The following CD96 variants were observed in gnomAD, a reference collection of about 807,000 sequenced individuals.
The protein encoded by CD96 is CD96 molecule.
A neutral mutation model predicts 71.3 loss-of-function variants in CD96; 70 were observed. That is an observed-to-expected ratio of 0.98 (90% confidence interval 0.81 to 1.20). CD96 has a LOEUF of 1.20. CD96 is among the 50% of genes most tolerant of loss of function. CD96 has a pLI of 0.00. For missense variants in CD96, 742 were observed against 677.5 expected (o/e 1.10, Z -1.06); for synonymous variants, 248 against 233.0 (o/e 1.06, Z -0.59).
chr3:111,628,027 C>T (rs1474699945), intron 10 of CD96, among the ~76,000 whole-genome samples: 1 of 151,656 alleles, frequency 6.6e-6, no homozygotes, highest in Non-Finnish European at 1.5e-5. Context: ...GCAGATAAGC[C>T]CACAAAGATG....
At chr3:111,629,118 T>C (rs1938931636) in intron 10 of CD96, among the ~76,000 whole-genome samples, 1 of 151,988 alleles carries the variant, frequency 6.6e-6, no homozygotes, top group African/African-American at 2.4e-5. Context: ...GTCTGAAAAA[T>C]AACCAGCTAG....
chr3:111,579,409 C>G (rs748519591), intron 4 of CD96, 175 bp downstream of exon 4: 62 of 681,078 alleles, frequency 9.1e-5, no homozygotes, highest in Non-Finnish European at 5.2e-5. Flanking sequence ...GGGTAGGATG[C>G]TAAAGAATGA....
intron 10 of CD96, among the ~76,000 whole-genome samples, chr3:111,625,987 C>T (rs545385711): frequency 4.6e-5 from 7 of 152,220 alleles, no homozygotes; most frequent in Middle Eastern, 3.4e-3. Context: ...ATGAAACACA[C>T]GTGGCTAGAA....
chr3:111,554,862 T>C (rs1934908334), intron 2 of CD96, among the ~76,000 whole-genome samples: 1 of 151,994 alleles, frequency 6.6e-6, no homozygotes, highest in African/African-American at 2.4e-5. Context: ...TGAGCTTGTC[T>C]TCCTGCAACT....
At chr3:111,624,698 C>A (rs1433819843) in intron 10 of CD96, among the ~76,000 whole-genome samples, 1 of 152,118 alleles carries the variant, frequency 6.6e-6, no homozygotes, top group Non-Finnish European at 1.5e-5. Flanking sequence ...TTTAAATGGG[C>A]AGTCTTGAAA....
intron 7 of CD96, among the ~76,000 whole-genome samples, chr3:111,604,432 C>T (rs1004186092): frequency 6.6e-6 from 1 of 152,194 alleles, no homozygotes; most frequent in Admixed American, 6.5e-5. Context: ...TTTCATACCC[C>T]TGAGTTTTGT....
chr3:111,654,638 A>G (rs551395507), downstream of CD96, among the ~76,000 whole-genome samples: 47 of 152,342 alleles, frequency 3.1e-4, no homozygotes, highest in Non-Finnish European at 3.8e-4. Flanking sequence ...GGGGAGGGAC[A>G]CTGGGGGGAA....
chr3:111,607,012 C>A (rs1483266227), intron 8 of CD96: 2 of 592,790 alleles, frequency 3.4e-6, no homozygotes, highest in Non-Finnish European at 6.1e-6. Context: ...TGTTCACAGA[C>A]TTGTACAACC....
At chr3:111,641,676 C>A (rs1043490460) in intron 12 of CD96, among the ~76,000 whole-genome samples, 3 of 152,166 alleles carry the variant, frequency 2.0e-5, no homozygotes, top group Non-Finnish European at 2.9e-5. Context: ...AACATTTCAT[C>A]CAACAACTGC....
chr3:111,565,821 T>C (rs1935681535), intron 2 of CD96, among the ~76,000 whole-genome samples: 1 of 151,660 alleles, frequency 6.6e-6, no homozygotes, highest in Non-Finnish European at 1.5e-5. Context: ...TAACCACTAT[T>C]TGGAAATGCT....
rs766483149 is a variant in CD96, at chr3:111,606,839, A to T, written c.1180+47A>T. 6.3e-6 allele frequency: 7 copies of T among 1,105,762 alleles called. No individual in the cohort carries two copies. The Admixed American group carries it at 1.2e-4, about 19-fold the overall frequency. The allele number at this position is 1,105,762 out of a possible 1,614,324, so 68.5% of individuals were successfully genotyped here. ...GCTATTGATTTAACCAAGCAGATTGATAACGATAAAATTTCAGCAAACTTG... is the reference window on the plus strand; with the variant it reads ...GCTATTGATTTAACCAAGCAGATTGTTAACGATAAAATTTCAGCAAACTTG... On this transcript the variant is annotated intron_variant, in intron 8 of 13. Transcript: ENST00000352690.
intron 5 of CD96, chr3:111,593,312 T>A: frequency 2.4e-6 from 1 of 411,670 alleles, no homozygotes; most frequent in Admixed American, 4.0e-5. Flanking sequence ...GAAGCATTTA[T>A]CTTTAATAGG....
chr3:111,581,022 T>G (rs1309765040), intron 4 of CD96, among the ~76,000 whole-genome samples: 1 of 152,236 alleles, frequency 6.6e-6, no homozygotes, highest in Non-Finnish European at 1.5e-5. Context: ...ACATTTATGC[T>G]GTGTCCTGTA....
chr3:111,637,140 A>G, intron 10 of CD96, 56 bp from the exon 11 acceptor site: 1 of 885,134 alleles, frequency 1.1e-6, no homozygotes, highest in Non-Finnish European at 1.9e-6. Flanking sequence ...TTAGCAGTCA[A>G]GAAGTGGTAA....
chr3:111,655,947 T>A (rs1940217705), downstream of CD96, among the ~76,000 whole-genome samples: 1 of 151,542 alleles, frequency 6.6e-6, no homozygotes, highest in Admixed American at 6.6e-5. Context: ...GGTATACATC[T>A]ATATAACTGC....
chr3:111,578,508 A>G (rs1936322813), intron 3 of CD96, among the ~76,000 whole-genome samples: 1 of 152,218 alleles, frequency 6.6e-6, no homozygotes, highest in South Asian at 2.1e-4. Context: ...TTGGGTGTCA[A>G]CATTTCACTT....
chr3:111,569,822 G>A (rs997591734), intron 3 of CD96, among the ~76,000 whole-genome samples: 2 of 152,156 alleles, frequency 1.3e-5, no homozygotes, highest in Non-Finnish European at 2.9e-5. Flanking sequence ...TGTAGGAAAT[G>A]TAGTTTACAA....
chr3:111,591,371 T>TCAAA (rs1936976177), intron 5 of CD96, among the ~76,000 whole-genome samples: 6 of 88,136 alleles, frequency 6.8e-5, no homozygotes, highest in Non-Finnish European at 1.0e-4. Flanking sequence ...GACTCCATCT[T>TCAAA]AAAAAAAAAA....
intron 3 of CD96, among the ~76,000 whole-genome samples, chr3:111,575,522 C>T (rs1936183167): frequency 6.6e-6 from 1 of 152,176 alleles, no homozygotes; most frequent in Non-Finnish European, 1.5e-5. Flanking sequence ...AAGGGCCAAC[C>T]CTTACGGGTT....
Sources: allele counts gnomAD v4.1 joint callset (sites outside exome capture counted in the v4.1 genomes callset), GRCh38; gene constraint gnomAD v4.1.1; transcripts MANE v1.5; gene names NCBI Gene and HGNC (gene_info 2026-07-23, HGNC 2026-07-21).